The following CORIN variants were observed in gnomAD, a reference collection of about 807,000 sequenced individuals.
CORIN encodes the protein atrial natriuretic peptide-converting enzyme.
CORIN carries 117 observed loss-of-function variants against 125.3 expected under a neutral mutation model. That is an observed-to-expected ratio of 0.93 (90% confidence interval 0.80 to 1.09). The LOEUF (loss-of-function observed/expected upper bound fraction) is 1.09. CORIN is among the 50% of genes least tolerant of loss of function. The pLI is 0.00. For synonymous variants in CORIN, 450 were observed against 466.4 expected (o/e 0.96, Z 0.45); for missense variants, 1,253 against 1,306.7 (o/e 0.96, Z 0.63).
intron 11 of CORIN, among the ~76,000 whole-genome samples, chr4:47,663,302 G>A (rs527497205): frequency 4.6e-5 from 7 of 152,126 alleles, no homozygotes; most frequent in East Asian, 1.9e-4. Context: ...GTAAGGACTC[G>A]ATGTTAGATT....
intron 10 of CORIN, among the ~76,000 whole-genome samples, chr4:47,666,872 A>G (rs1724507200): frequency 6.6e-6 from 1 of 152,238 alleles, no homozygotes; most frequent in South Asian, 2.1e-4. Flanking sequence ...TTATTGTAGC[A>G]GCTTGAACAT....
intron 13 of CORIN, among the ~76,000 whole-genome samples, chr4:47,646,043 C>CAAAAAAAAA (rs1165408037): frequency 1.0e-5 from 1 of 98,496 alleles, no homozygotes; most frequent in Admixed American, 1.2e-4. Flanking sequence ...CCACCTGTCT[C>CAAAAAAAAA]AAAAAAAAAA....
At chr4:47,704,222 G>GA (rs376625346) in intron 5 of CORIN, among the ~76,000 whole-genome samples, 36 of 151,046 alleles carry the variant, frequency 2.4e-4, no homozygotes, top group African/African-American at 7.0e-4. Context: ...CCTAACAGGG[G>GA]AAAAAAAAAT....
At chr4:47,603,887 A>T (rs757427897) in intron 19 of CORIN, among the ~76,000 whole-genome samples, 11 of 152,234 alleles carry the variant, frequency 7.2e-5, no homozygotes, top group Non-Finnish European at 1.6e-4. Context: ...GAATGGGGCT[A>T]GTCTTTAACA....
At chr4:47,682,636 A>C (rs534325432) in intron 7 of CORIN, 1 of 152,254 alleles carries the variant, frequency 6.6e-6, no homozygotes, top group South Asian at 2.1e-4. Context: ...AGAAATGATA[A>C]ATGTTTGAGG....
At chr4:47,783,600 C>T (rs1390937395) in intron 3 of CORIN, among the ~76,000 whole-genome samples, 1 of 152,028 alleles carries the variant, frequency 6.6e-6, no homozygotes, top group Non-Finnish European at 1.5e-5. Flanking sequence ...ATTTAAATAG[C>T]TTTTACATAT....
chr4:47,694,251 G>T (rs1294216089), intron 5 of CORIN, among the ~76,000 whole-genome samples: 2 of 152,060 alleles, frequency 1.3e-5, no homozygotes, highest in Non-Finnish European at 2.9e-5. Flanking sequence ...ATCGGGAGAG[G>T]TATATTATCT....
intron 19 of CORIN, among the ~76,000 whole-genome samples, chr4:47,616,116 A>C (rs1443922494): frequency 6.6e-6 from 1 of 152,168 alleles, no homozygotes; most frequent in African/African-American, 2.4e-5. Context: ...TACATGTTCA[A>C]ATGAACATCT....
intron 5 of CORIN, among the ~76,000 whole-genome samples, chr4:47,712,562 A>G (rs62299221): frequency 0.099 from 15,106 of 152,208 alleles, 888 homozygotes; most frequent in East Asian, 0.27. Flanking sequence ...TGATTTCAGG[A>G]GTGAGCCACT....
intron 5 of CORIN, among the ~76,000 whole-genome samples, chr4:47,702,404 A>G (rs1037454843): frequency 3.9e-5 from 6 of 152,278 alleles, no homozygotes; most frequent in African/African-American, 1.4e-4. Flanking sequence ...CTATATATAT[A>G]TTAGTATTTT....
intron 5 of CORIN, among the ~76,000 whole-genome samples, chr4:47,704,524 G>A (rs542574097): frequency 6.6e-6 from 1 of 152,102 alleles, no homozygotes; most frequent in Non-Finnish European, 1.5e-5. Flanking sequence ...AGTTTCAGGA[G>A]AGACTACAGG....
At chr4:47,611,678 C>T (rs757436303) in intron 19 of CORIN, among the ~76,000 whole-genome samples, 5 of 152,110 alleles carry the variant, frequency 3.3e-5, no homozygotes, top group Non-Finnish European at 7.3e-5. Context: ...TGCTGGTTTC[C>T]AAGGGGAATG....
chr4:47,710,170 T>C (rs189731591), intron 5 of CORIN, among the ~76,000 whole-genome samples: 5 of 152,352 alleles, frequency 3.3e-5, no homozygotes, highest in African/African-American at 1.2e-4. Context: ...TAAGTGCCTG[T>C]TTATACATTC....
chr4:47,744,956 AAT>A (rs1261407311), intron 4 of CORIN, among the ~76,000 whole-genome samples: 1 of 152,224 alleles, frequency 6.6e-6, no homozygotes, highest in Non-Finnish European at 1.5e-5. Context: ...GTAGGTCAAA[AAT>A]ATGTTATTCT....
intron 10 of CORIN, among the ~76,000 whole-genome samples, chr4:47,667,694 T>C (rs1368687811): frequency 9.2e-5 from 14 of 152,188 alleles, no homozygotes; most frequent in Admixed American, 8.5e-4. Context: ...AAGTGCAATA[T>C]GACTCTCAGT....
Position 47,676,441 on chromosome 4 carries a change from C to T in CORIN, c.1249+1497G>A, listed in dbSNP as rs952578820. On this transcript the variant is annotated intron_variant, in intron 9 of 21. Transcript: ENST00000273857. ...TTCCTCAGGGAAGCTTTGTCTGAGGCGCTTTACCAGGGCATGCACCCTATT... is the reference window on the plus strand; with the variant it reads ...TTCCTCAGGGAAGCTTTGTCTGAGGTGCTTTACCAGGGCATGCACCCTATT... 2.6e-5 allele frequency among the ~76,000 whole-genome samples: 4 copies of T among 152,230 alleles called. No homozygotes were observed. The East Asian group carries it at 7.7e-4, about 29-fold the overall frequency.
At chr4:47,600,076 G>C in intron 21 of CORIN, 138 bp downstream of exon 21, 1 of 688,696 alleles carries the variant, frequency 1.5e-6, no homozygotes, top group Non-Finnish European at 2.3e-6. Context: ...AGGAAAATGT[G>C]CTGTTAATAA....
chr4:47,668,396 A>T (rs922011705), intron 10 of CORIN, among the ~76,000 whole-genome samples: 1 of 152,184 alleles, frequency 6.6e-6, no homozygotes, highest in African/African-American at 2.4e-5. Flanking sequence ...GCCTTTGCAC[A>T]CTTAGACAGG....
chr4:47,595,487 G>C lies in CORIN; in HGVS notation c.*234C>G. The C allele has an allele frequency of 3.2e-6, 1 of 314,436 alleles. No homozygotes were observed. Among genetic ancestry groups the C allele is most frequent in the Non-Finnish European group, 5.8e-6 (1 of 171,798 alleles). 19.5% of individuals were successfully genotyped at this position (314,436 alleles called of 1,614,324 possible). A position where few individuals can be genotyped will look rare whatever the true frequency, so the allele number is the denominator to read the frequency against. On this transcript the variant is annotated 3_prime_UTR_variant, in exon 22 of 22. Transcript: ENST00000273857. ...TAGGCCTGGCAAAAGGACAAAGTCT[G>C]CTTTGTTTGCTTTTGTAAAGTCTTT...
Sources: gnomAD v4.1 joint callset for allele counts (sites outside exome capture counted in the v4.1 genomes callset) on GRCh38, gnomAD v4.1.1 for gene constraint, MANE v1.5 for transcripts, NCBI Gene and HGNC (gene_info 2026-07-23, HGNC 2026-07-21) for gene names.